FHIT: variants seen among roughly 807,000 people sequenced by gnomAD.
The protein encoded by FHIT is bis(5'-adenosyl)-triphosphatase.
In FHIT, 19 loss-of-function variants were observed where a neutral mutation model predicts 17.9. The observed-to-expected ratio is 1.06, with a 90% CI of 0.74 to 1.56. The LOEUF (loss-of-function observed/expected upper bound fraction) is 1.56, where lower values mean the gene tolerates loss of function less well. Among genes scored for constraint, FHIT ranks in the 40% most tolerant of loss-of-function variants. The pLI, the probability that FHIT is intolerant of heterozygous loss-of-function variation, is 0.00. For missense variants in FHIT, 248 were observed against 189.2 expected, an observed-to-expected ratio of 1.31 and a Z score of -1.82; for synonymous variants, 81 against 69.7, an observed-to-expected ratio of 1.16 and a Z score of -0.81.
chr3:60,962,673 A>AG (rs1709518131), intron 3 of FHIT, among the ~76,000 whole-genome samples: 1 of 152,226 alleles, frequency 6.6e-6, no homozygotes, highest in Non-Finnish European at 1.5e-5. Context: ...CCTTTTCTGC[A>AG]TCTACTGAGA....
At chr3:60,148,626 A>C (rs1700336366) in intron 5 of FHIT, among the ~76,000 whole-genome samples, 1 of 152,154 alleles carries the variant, frequency 6.6e-6, no homozygotes, top group Non-Finnish European at 1.5e-5. Flanking sequence ...ATCTGAATTG[A>C]TATAGGTTAC....
At chr3:60,015,111 T>C (rs1366362792) in intron 5 of FHIT, among the ~76,000 whole-genome samples, 3 of 149,610 alleles carry the variant, frequency 2.0e-5, no homozygotes, top group Non-Finnish European at 2.9e-5. Flanking sequence ...TTCTTTTTTC[T>C]TGTTGTTTTA....
chr3:60,674,764 G>A (rs2040583918), intron 4 of FHIT, among the ~76,000 whole-genome samples: 3 of 152,236 alleles, frequency 2.0e-5, no homozygotes, highest in East Asian at 1.9e-4. Context: ...GCAACCACTA[G>A]TGTCTTTGTT....
In FHIT at chr3:60,009,213, GTGTGTGTGTGTGTGTGTA is replaced by G. The variant is rs1255904469; in HGVS notation, c.279+2140_279+2157del. Among the ~76,000 whole-genome samples, 452 of 142,278 alleles carry G rather than the reference GTGTGTGTGTGTGTGTGTA, an allele frequency of 3.2e-3. 3 individuals carry two copies. The highest frequency in any genetic ancestry group is 0.012 in the African/African-American group (429 of 34,934). The allele number at this position is 142,278 out of a possible 152,430, so 93.3% of individuals were successfully genotyped here. ...TGTGTGTGTGTGTGTGTGTGTGTGT[GTGTGTGTGTGTGTGTGTA>G]TGGTGGTTTTCTTATAACCACCATA... On this transcript the variant is annotated intron_variant, in intron 7 of 9. Transcript: ENST00000492590.
intron 5 of FHIT, among the ~76,000 whole-genome samples, chr3:60,136,343 C>T (rs1370542316): frequency 1.3e-5 from 2 of 152,170 alleles, no homozygotes; most frequent in African/African-American, 2.4e-5. Context: ...TATTCTTCTT[C>T]ATCCCATAAA....
chr3:59,960,463 T>C (rs999873802), intron 7 of FHIT, among the ~76,000 whole-genome samples: 3 of 152,112 alleles, frequency 2.0e-5, no homozygotes, highest in African/African-American at 7.3e-5. Flanking sequence ...GGTGGCCTTG[T>C]TGACTTTGGA....
chr3:61,030,710 C>A (rs958834725), intron 3 of FHIT, among the ~76,000 whole-genome samples: 5 of 152,074 alleles, frequency 3.3e-5, no homozygotes, highest in Non-Finnish European at 7.4e-5. Flanking sequence ...AACAAAGCAG[C>A]CTTAGAGGGA....
intron 2 of FHIT, among the ~76,000 whole-genome samples, chr3:61,169,868 G>A (rs144418035): frequency 2.6e-5 from 4 of 152,142 alleles, no homozygotes; most frequent in African/African-American, 9.7e-5. Flanking sequence ...CAGATAAGGG[G>A]TTCAGTGGGT....
In FHIT at chr3:61,105,078, A is replaced by G. The variant is rs554972469; in HGVS notation, c.-163-62979T>C. Among the ~76,000 whole-genome samples, 78 of 152,248 alleles carry G rather than the reference A, an allele frequency of 5.1e-4. 1 individual carries two copies. The highest frequency in any genetic ancestry group is 1.8e-3 in the African/African-American group (73 of 41,546). ...GAACTCTGTTTCTGTTATTTCAGCC[A>G]TCTCAACCTGGTTCAGAACCCTTAC... On this transcript the variant is annotated intron_variant, in intron 2 of 9. Transcript: ENST00000492590.
chr3:60,261,533 A>C (rs1166192616), intron 5 of FHIT, among the ~76,000 whole-genome samples: 3 of 152,084 alleles, frequency 2.0e-5, no homozygotes, highest in Admixed American at 6.6e-5. Context: ...TTCACAAGTC[A>C]AGAAACAATA....
chr3:59,882,795 GT>G (rs1312917151), intron 8 of FHIT, among the ~76,000 whole-genome samples: 1 of 152,148 alleles, frequency 6.6e-6, no homozygotes, highest in African/African-American at 2.4e-5. Context: ...ATCAGCCTTG[GT>G]TTTGCCTTTG....
At chr3:60,185,018 G>A (rs372949535) in intron 5 of FHIT, among the ~76,000 whole-genome samples, 102 of 152,110 alleles carry the variant, frequency 6.7e-4, no homozygotes, top group East Asian at 2.7e-3. Flanking sequence ...GCACTATAAC[G>A]TGCTCCAGGC....
At chr3:60,126,771 TC>T (rs1323873658) in intron 5 of FHIT, among the ~76,000 whole-genome samples, 1 of 152,110 alleles carries the variant, frequency 6.6e-6, no homozygotes, top group Admixed American at 6.6e-5. Flanking sequence ...TAAGAAATTT[TC>T]CCCAATCCTT....
At chr3:60,315,564 T>C (rs953308082) in intron 5 of FHIT, among the ~76,000 whole-genome samples, 18 of 152,208 alleles carry the variant, frequency 1.2e-4, no homozygotes, top group African/African-American at 4.3e-4. Flanking sequence ...CGCTCTAGCA[T>C]CCAGCTTCTT....
chr3:60,720,327 G>C (rs1577114105), intron 4 of FHIT, among the ~76,000 whole-genome samples: 1 of 152,164 alleles, frequency 6.6e-6, no homozygotes, highest in East Asian at 1.9e-4. Flanking sequence ...CTCCTACCCA[G>C]CAGCCAAACA....
intron 5 of FHIT, among the ~76,000 whole-genome samples, chr3:60,464,062 T>C (rs532837403): frequency 6.6e-6 from 1 of 152,290 alleles, no homozygotes; most frequent in Admixed American, 6.5e-5. Context: ...CTAATATGCC[T>C]TGAAATCCTG....
At chr3:60,116,730 T>C (rs917240253) in intron 5 of FHIT, among the ~76,000 whole-genome samples, 22 of 152,188 alleles carry the variant, frequency 1.4e-4, no homozygotes, top group African/African-American at 4.6e-4. Context: ...GTAAGGCAGA[T>C]TGGCCAAGAA....
In FHIT at chr3:59,850,164, A is replaced by T. The variant is rs539161639; in HGVS notation, c.348+72182T>A. On this transcript the variant is annotated intron_variant, in intron 8 of 9. Transcript: ENST00000492590. ...GAGAAGGTCTTAACACAAAACATTC[A>T]TTATTTCCACATAAATTGCAAAAAG... 3.1e-4 allele frequency among the ~76,000 whole-genome samples: 47 copies of T among 152,326 alleles called. No individual in the cohort carries two copies. In the South Asian group the frequency reaches 6.4e-3, roughly 21 times the overall value.
At chr3:59,987,416 C>T (rs755087546) in intron 7 of FHIT, among the ~76,000 whole-genome samples, 1 of 151,752 alleles carries the variant, frequency 6.6e-6, no homozygotes, top group South Asian at 2.1e-4. Context: ...AAAGAGTTTT[C>T]TTGAATGGTT....
Sources: allele counts gnomAD v4.1 joint callset (sites outside exome capture counted in the v4.1 genomes callset), GRCh38; gene constraint gnomAD v4.1.1; transcripts MANE v1.5; gene names NCBI Gene and HGNC (gene_info 2026-07-23, HGNC 2026-07-21).